PKHD1: variants seen among roughly 807,000 people sequenced by gnomAD.
PKHD1 encodes the protein fibrocystin.
PKHD1 carries 291 observed loss-of-function variants against 412.0 expected under a neutral mutation model. That is an observed-to-expected ratio of 0.71 (90% CI 0.64 to 0.78). The LOEUF is 0.78. Among genes scored for constraint, PKHD1 ranks in the 30% least tolerant of loss-of-function variants. The probability of loss-of-function intolerance (pLI) is 0.00; values close to 1 mark genes in which losing one functional copy is unlikely to be tolerated. For missense variants in PKHD1, 4,825 were observed against 4,950.7 expected (o/e 0.97, Z 0.76); for synonymous variants, 1,777 against 1,821.5 (o/e 0.98, Z 0.62).
chr6:51,752,670 T>C (rs750007520), intron 57 of PKHD1, among the ~76,000 whole-genome samples: 12 of 152,154 alleles, frequency 7.9e-5, no homozygotes, highest in Non-Finnish European at 1.6e-4. Context: ...GAATAATGTA[T>C]AAGGAACACA....
intron 40 of PKHD1, 64 bp downstream of exon 40, chr6:51,909,219 G>T: frequency 8.9e-7 from 1 of 1,128,528 alleles, no homozygotes; most frequent in Non-Finnish European, 1.4e-6. Context: ...ATTCCACCAT[G>T]CATGTAGTGC....
At chr6:51,939,536 A>G (rs1453506982) in intron 36 of PKHD1, among the ~76,000 whole-genome samples, 1 of 151,520 alleles carries the variant, frequency 6.6e-6, no homozygotes, top group African/African-American at 2.4e-5. Context: ...ACCCCATTAC[A>G]AACTTGACAG....
chr6:51,938,413 C>A (rs1787858992), intron 36 of PKHD1, among the ~76,000 whole-genome samples: 1 of 151,564 alleles, frequency 6.6e-6, no homozygotes, highest in South Asian at 2.1e-4. Context: ...CTGGTCCTTG[C>A]CTAACTGATG....
At chr6:51,814,159 A>G (rs187123529) in intron 52 of PKHD1, among the ~76,000 whole-genome samples, 8 of 152,318 alleles carry the variant, frequency 5.3e-5, no homozygotes, top group Admixed American at 2.0e-4. Flanking sequence ...GCCTTCCTTC[A>G]GTGGCTTTCA....
At position 51,808,731 on chromosome 6, in the gene PKHD1, T is replaced by A. The variant is rs765397735; in HGVS notation, c.8303-17358A>T. The stretch of plus-strand genomic sequence containing the variant: ...ATGTTCCTTTCTCATTTTATCTTCA[T>A]ATTTGCAATTTTTACATTTGGATAT... On this transcript the variant is annotated intron_variant, in intron 52 of 66. Coordinates refer to ENST00000371117, the MANE Select transcript of PKHD1 (RefSeq NM_138694.4). Among the ~76,000 whole-genome samples, 6 of 152,268 alleles carry A rather than the reference T, an allele frequency of 3.9e-5. No homozygotes were observed. The East Asian group carries it at 1.2e-3, about 29-fold the overall frequency.
intron 60 of PKHD1, among the ~76,000 whole-genome samples, chr6:51,700,448 CT>C (rs939359934): frequency 5.9e-5 from 9 of 152,010 alleles, no homozygotes; most frequent in African/African-American, 2.2e-4. Flanking sequence ...AGTATTCCAT[CT>C]CCTTATTAAG....
At chr6:51,795,605 C>G (rs999830464) in intron 52 of PKHD1, among the ~76,000 whole-genome samples, 4 of 152,184 alleles carry the variant, frequency 2.6e-5, no homozygotes, top group African/African-American at 9.6e-5. Flanking sequence ...TGTCTTGTGA[C>G]AGTTTTCAAG....
intron 9 of PKHD1, 89 bp from the exon 10 acceptor site, chr6:52,070,534 TATC>T: frequency 1.1e-6 from 1 of 909,712 alleles, no homozygotes; most frequent in South Asian, 1.3e-5. Context: ...AAGACTCCAA[TATC>T]ATCAAATTAC....
intron 61 of PKHD1, among the ~76,000 whole-genome samples, chr6:51,658,294 A>G (rs897422414): frequency 2.0e-5 from 3 of 152,160 alleles, no homozygotes; most frequent in Admixed American, 1.3e-4. Context: ...ATATCAATGT[A>G]TAACAGGAAA....
chr6:51,732,054 T>C (rs1161507141), intron 60 of PKHD1, among the ~76,000 whole-genome samples: 1 of 152,156 alleles, frequency 6.6e-6, no homozygotes, highest in Non-Finnish European at 1.5e-5. Flanking sequence ...ACACATAGTA[T>C]AAGAAACATA....
intron 49 of PKHD1, among the ~76,000 whole-genome samples, chr6:51,853,372 A>G (rs992300878): frequency 1.3e-5 from 2 of 151,306 alleles, no homozygotes; most frequent in Admixed American, 6.6e-5. Flanking sequence ...GGACAATCTG[A>G]TAATTATATG....
chr6:51,735,195 A>G (rs1178951447), intron 60 of PKHD1, among the ~76,000 whole-genome samples: 1 of 152,220 alleles, frequency 6.6e-6, no homozygotes, highest in Non-Finnish European at 1.5e-5. Context: ...CCACACAATG[A>G]TAATTATCCA....
At chr6:51,671,580 A>G (rs368818236) in intron 60 of PKHD1, among the ~76,000 whole-genome samples, 6 of 151,744 alleles carry the variant, frequency 4.0e-5, no homozygotes, top group East Asian at 3.9e-4. Flanking sequence ...GCTTTGTTCC[A>G]TTGCTGGTGA....
At chr6:51,668,629 T>G in intron 60 of PKHD1, among the ~76,000 whole-genome samples, 1 of 152,240 alleles carries the variant, frequency 6.6e-6, no homozygotes, top group Non-Finnish European at 1.5e-5. Context: ...GTGCCAGTTT[T>G]CAAAGGGAAT....
At chr6:51,627,738 G>C (rs1438976250) in intron 65 of PKHD1, among the ~76,000 whole-genome samples, 2 of 152,058 alleles carry the variant, frequency 1.3e-5, no homozygotes. Context: ...AAAGAATTGA[G>C]ACCGGTACAA....
intron 60 of PKHD1, among the ~76,000 whole-genome samples, chr6:51,695,272 C>T (rs1428398858): frequency 2.6e-5 from 4 of 152,116 alleles, no homozygotes; most frequent in Non-Finnish European, 5.9e-5. Flanking sequence ...TTCTCAAAAT[C>T]CTTTCATATC....
chr6:51,681,872 G>A (rs1275509390), intron 60 of PKHD1, among the ~76,000 whole-genome samples: 1 of 152,052 alleles, frequency 6.6e-6, no homozygotes, highest in Admixed American at 6.6e-5. Context: ...AAACTGTATG[G>A]CCTACAAAGT....
chr6:51,795,480 T>A (rs1415499298), intron 52 of PKHD1, among the ~76,000 whole-genome samples: 1 of 152,292 alleles, frequency 6.6e-6, no homozygotes, highest in East Asian at 1.9e-4. Context: ...CAAACAAAGA[T>A]AGTTTGACTT....
chr6:51,690,697 A>G (rs903548601), intron 60 of PKHD1, among the ~76,000 whole-genome samples: 1 of 152,208 alleles, frequency 6.6e-6, no homozygotes, highest in Non-Finnish European at 1.5e-5. Flanking sequence ...TGTGAAACCC[A>G]CAACTGTAAA....
Sources: allele counts gnomAD v4.1 joint callset (sites outside exome capture counted in the v4.1 genomes callset), GRCh38; gene constraint gnomAD v4.1.1; transcripts MANE v1.5; gene names NCBI Gene and HGNC (gene_info 2026-07-23, HGNC 2026-07-21).